The following SEPTIN9 variants were observed in gnomAD, a reference collection of about 807,000 sequenced individuals.
SEPTIN9 encodes the protein septin-9.
SEPTIN9 carries 13 observed loss-of-function variants against 56.6 expected under a neutral mutation model. The observed-to-expected ratio is 0.23, with a 90% CI of 0.15 to 0.37. SEPTIN9 has a LOEUF of 0.37. Ranked by LOEUF, SEPTIN9 falls within the 10% of genes least tolerant of loss-of-function variation. SEPTIN9 has a pLI of 1.00. For missense variants in SEPTIN9, 650 were observed against 823.1 expected (o/e 0.79, Z 2.57); for synonymous variants, 332 against 334.1 (o/e 0.99, Z 0.07).
chr17:77,320,044 T>G, intron 2 of SEPTIN9: 2 of 1,372,406 alleles, frequency 1.5e-6, no homozygotes, highest in Non-Finnish European at 9.4e-7. Flanking sequence ...CTGCCTCCTA[T>G]TTTTGGATTT....
intron 3 of SEPTIN9, among the ~76,000 whole-genome samples, chr17:77,447,875 T>G (rs2144384435): frequency 6.6e-6 from 1 of 152,342 alleles, no homozygotes; most frequent in East Asian, 1.9e-4. Context: ...TGTGCTCGCC[T>G]TGGCCTCCCA....
chr17:77,281,773 G>C, intron 1 of SEPTIN9: 1 of 508,668 alleles, frequency 2.0e-6, no homozygotes, highest in Non-Finnish European at 3.4e-6. Flanking sequence ...TTGCTCGAGT[G>C]TCGGAGGGGC....
intron 1 of SEPTIN9, among the ~76,000 whole-genome samples, chr17:77,303,574 G>A (rs1242694983): frequency 2.0e-5 from 3 of 151,966 alleles, no homozygotes; most frequent in South Asian, 4.2e-4. Context: ...TAGCCGGAGC[G>A]TGATGGCAGG....
At chr17:77,357,001 C>G (rs894220885) in intron 2 of SEPTIN9, among the ~76,000 whole-genome samples, 1 of 151,788 alleles carries the variant, frequency 6.6e-6, no homozygotes, top group Admixed American at 6.6e-5. Context: ...AGGAAGCTGT[C>G]GGCCAGACGT....
At chr17:77,370,253 GA>G (rs370941133) in intron 2 of SEPTIN9, among the ~76,000 whole-genome samples, 5 of 152,204 alleles carry the variant, frequency 3.3e-5, no homozygotes, top group African/African-American at 9.7e-5. Context: ...AGCTTCCTCT[GA>G]AGACTCCAGG....
In SEPTIN9 at chr17:77,482,314, G is replaced by C. The variant is rs1350313330; in HGVS notation, c.892G>C (p.Glu298Gln). ...MRRKAMKQGF[E>Q]FNIMVVGQSG... The stretch of plus-strand genomic sequence containing the variant: ...CCGGAAGGCCATGAAGCAGGGCTTC[G>C]AGTTCAACATCATGGTGGTCGGTGA... The change falls in exon 4 of 12, where the codon GAG becomes CAG. Residue 298 changes from glutamate to glutamine, a missense_variant. Transcript: ENST00000427177. 4.3e-6 allele frequency: 7 copies of C among 1,612,728 alleles called. No individual in the cohort carries two copies. In the African/African-American group the frequency reaches 8.0e-5, roughly 18 times the overall value.
intron 2 of SEPTIN9, among the ~76,000 whole-genome samples, chr17:77,347,733 T>C (rs986420999): frequency 6.6e-6 from 1 of 152,080 alleles, no homozygotes; most frequent in Non-Finnish European, 1.5e-5. Context: ...ATGTATACAG[T>C]AGAAACTGTA....
chr17:77,388,478 C>T (rs2035416789), intron 2 of SEPTIN9, among the ~76,000 whole-genome samples: 1 of 152,246 alleles, frequency 6.6e-6, no homozygotes, highest in Non-Finnish European at 1.5e-5. Context: ...CTAAACCAGG[C>T]AGATCCGTGT....
Position 77,313,601 on chromosome 17 carries a change from C to T in SEPTIN9, c.76+6404C>T, listed in dbSNP as rs965384044. Reference sequence around the variant, plus strand: ...CCAGCCTGGAGGGTCTTGGCTGGCTCTGCTGGCAGGTACAGTAGCAGGGTC... The same window carrying T: ...CCAGCCTGGAGGGTCTTGGCTGGCTTTGCTGGCAGGTACAGTAGCAGGGTC... On this transcript the variant is annotated intron_variant, in intron 2 of 11. Coordinates refer to ENST00000427177, the MANE Select transcript of SEPTIN9 (RefSeq NM_001113491.2). The surrounding 1 kb of genome is among the most constrained non-coding windows in gnomAD (Gnocchi z 4.5). 6.6e-6 allele frequency among the ~76,000 whole-genome samples: 1 copy of T among 152,138 alleles called. No homozygotes were observed. The highest frequency in any genetic ancestry group is 6.5e-5 in the Admixed American group (1 of 15,276).
intron 2 of SEPTIN9, chr17:77,373,705 G>A: frequency 7.4e-7 from 1 of 1,344,674 alleles, no homozygotes; most frequent in Non-Finnish European, 9.6e-7. Flanking sequence ...TGAGAGCGCC[G>A]CGCGCCCCCG....
At chr17:77,463,311 A>C (rs181792353) in intron 3 of SEPTIN9, among the ~76,000 whole-genome samples, 191 of 152,270 alleles carry the variant, frequency 1.3e-3, no homozygotes, top group African/African-American at 4.4e-3. Context: ...GCCCACCCCC[A>C]TCAGAGCACA....
chr17:77,322,644 C>T (rs1433517196), intron 2 of SEPTIN9: 1 of 152,298 alleles, frequency 6.6e-6, no homozygotes. Context: ...CTTGGCAGCT[C>T]TGGGCCGCAG....
chr17:77,441,697 TC>T (rs2037553439), intron 3 of SEPTIN9, among the ~76,000 whole-genome samples: 1 of 152,216 alleles, frequency 6.6e-6, no homozygotes, highest in Admixed American at 6.5e-5. Context: ...TGAAGATTTT[TC>T]TTTCCGTTTT....
intron 2 of SEPTIN9, among the ~76,000 whole-genome samples, chr17:77,385,164 CTTTT>C (rs530528683): frequency 2.4e-5 from 3 of 123,498 alleles, no homozygotes; most frequent in Non-Finnish European, 3.4e-5. Context: ...AGACCCCCAC[CTTTT>C]TTTTTTTTTT....
Position 77,499,002 on chromosome 17 carries a change from C to T in SEPTIN9, c.*344C>T, listed in dbSNP as rs938828617. On this transcript the variant is annotated 3_prime_UTR_variant, in exon 12 of 12. Coordinates refer to ENST00000427177, the MANE Select transcript of SEPTIN9 (RefSeq NM_001113491.2). ...TCCGTCTGTGTGGGGTTCTCAGTGC[C>T]GGAGGCCTTGGGGTGGGGGCCAGGC... The T allele has an allele frequency of 1.2e-4, 64 of 540,016 alleles. No individual in the cohort carries two copies. Among genetic ancestry groups the T allele is most frequent in the African/African-American group, 9.8e-4 (53 of 54,144 alleles). The allele number at this position is 540,016 out of a possible 1,614,324, so 33.5% of individuals were successfully genotyped here.
rs183012594 is a variant in SEPTIN9, at chr17:77,299,974, T to G, written c.20-7167T>G. Among the ~76,000 whole-genome samples the G allele has an allele frequency of 2.2e-3, 334 of 152,340 alleles. 4 individuals are homozygous for G. Among genetic ancestry groups the G allele is most frequent in the African/African-American group, 7.3e-3 (304 of 41,580 alleles). On this transcript the variant is annotated intron_variant, in intron 1 of 11. Coordinates refer to ENST00000427177, the MANE Select transcript of SEPTIN9 (RefSeq NM_001113491.2). Reference sequence around the variant, plus strand: ...GCCAACGGCACCGCACCAGAACCAGTGTGCTGCCTCCTTTGGTTGGCATTT... The same window carrying G: ...GCCAACGGCACCGCACCAGAACCAGGGTGCTGCCTCCTTTGGTTGGCATTT...
chr17:77,384,180 C>T (rs994929817), intron 2 of SEPTIN9, among the ~76,000 whole-genome samples: 6 of 152,198 alleles, frequency 3.9e-5, no homozygotes, highest in Non-Finnish European at 7.3e-5. Flanking sequence ...GCTGCTCCCT[C>T]TCCTGCCTGT....
chr17:77,499,515 A>G lies in SEPTIN9; in HGVS notation c.*857A>G, dbSNP rs1224738956. 4.3e-6 allele frequency: 2 copies of G among 470,480 alleles called. No homozygotes were observed. The highest frequency in any genetic ancestry group is 8.2e-6 in the Non-Finnish European group (2 of 242,596). 29.1% of individuals were successfully genotyped at this position (470,480 alleles called of 1,614,324 possible). On this transcript the variant is annotated 3_prime_UTR_variant, in exon 12 of 12. Coordinates refer to ENST00000427177, the MANE Select transcript of SEPTIN9 (RefSeq NM_001113491.2). Reference sequence around the variant, plus strand: ...AGGTCTAAGCAAGTGAGTCTGGTGGAGGAGCTGAGGGAGGGAGCCATGGAA... The same window carrying G: ...AGGTCTAAGCAAGTGAGTCTGGTGGGGGAGCTGAGGGAGGGAGCCATGGAA...
intron 3 of SEPTIN9, among the ~76,000 whole-genome samples, chr17:77,426,669 C>T (rs2036924973): frequency 6.6e-6 from 1 of 152,214 alleles, no homozygotes; most frequent in Admixed American, 6.5e-5. Context: ...TGCTGAAGCG[C>T]TGCCATCTTG....
Sources: allele counts gnomAD v4.1 joint callset (sites outside exome capture counted in the v4.1 genomes callset), GRCh38; gene constraint gnomAD v4.1.1; non-coding constraint Gnocchi (gnomAD v3.1); transcripts MANE v1.5; gene names NCBI Gene and HGNC (gene_info 2026-07-23, HGNC 2026-07-21).